SERBP1: variants seen among roughly 807,000 people sequenced by gnomAD.
SERBP1 encodes the protein SERPINE1 mRNA-binding protein 1.
A neutral mutation model predicts 50.2 loss-of-function variants in SERBP1; 6 were observed. That is an observed-to-expected ratio of 0.12 (90% confidence interval 0.07 to 0.24). The LOEUF is 0.24. Among genes scored for constraint, SERBP1 ranks in the 10% least tolerant of loss-of-function variants. The pLI is 1.00. For missense variants in SERBP1, 346 were observed against 524.9 expected (o/e 0.66, Z 3.33); for synonymous variants, 168 against 182.8 (o/e 0.92, Z 0.65).
chr1:67,424,491 T>C (rs1351086671), intron 4 of SERBP1: 1 of 548,464 alleles, frequency 1.8e-6, no homozygotes, highest in African/African-American at 1.9e-5. Flanking sequence ...GTTCATATAC[T>C]TCATACTTAA....
chr1:67,423,051 C>A (rs187524700), intron 5 of SERBP1, among the ~76,000 whole-genome samples: 120 of 151,594 alleles, frequency 7.9e-4, no homozygotes, highest in Middle Eastern at 7.0e-3. Flanking sequence ...TGGTGGCTCA[C>A]ACCTGTAATC....
chr1:67,423,135 A>G (rs1465137894), intron 5 of SERBP1, among the ~76,000 whole-genome samples: 2 of 148,408 alleles, frequency 1.3e-5, no homozygotes, highest in Admixed American at 6.7e-5. Flanking sequence ...CAGCTGGTCT[A>G]AAAAATATAA....
In SERBP1 at chr1:67,426,245, C is replaced by G. The variant is rs375408590; in HGVS notation, c.354G>C (p.Gln118His). 15 of 1,605,090 alleles carry G rather than the reference C, an allele frequency of 9.3e-6. No homozygotes were observed. The African/African-American group carries it at 1.9e-4, about 20-fold the overall frequency. The change falls in exon 2 of 8, where the codon CAG (glutamine) becomes CAC (histidine). Residue 118 changes from glutamine (Q) to histidine (H), a missense_variant. Physicochemically the swap from Gln to His is conservative, Grantham distance 24. Coordinates refer to ENST00000361219, the MANE Select transcript of SERBP1 (RefSeq NM_001018069.2). ...TTCTATCAATTATTTTCCCTTCACC[C>G]TGAAGTTGTTGATCAGGTCTTCTTC... is the stretch of plus-strand genomic sequence containing the variant. Reference protein sequence around the residue: ...RVGRRPDQQLQGEGKIIDRRP... With the variant: ...RVGRRPDQQLHGEGKIIDRRP...
rs540616157 is a variant in SERBP1 at position 67,415,273 on chromosome 1, G to A, written c.1018C>T (p.Leu340=). 6.2e-7 allele frequency: 1 copy of A among 1,612,202 alleles called. No homozygotes were observed. Among genetic ancestry groups the A allele is most frequent in the East Asian group, 2.2e-5 (1 of 44,754 alleles). ...RKPANDITSQ[L]EINFGDLGRP... The stretch of plus-strand genomic sequence containing the variant: ...CCAAGGTCTCCAAAATTGATCTCCA[G>A]CTGAGACGTTATATCATTTGCTGGC... The change falls in exon 7 of 8, where the codon CTG becomes TTG. Residue 340 remains leucine, a synonymous_variant. Transcript: ENST00000361219.
intron 1 of SERBP1, among the ~76,000 whole-genome samples, chr1:67,428,581 G>A (rs1014964287): frequency 2.0e-5 from 3 of 152,076 alleles, no homozygotes; most frequent in African/African-American, 7.2e-5. Flanking sequence ...AAGCTTAACT[G>A]GCTGAAGAGA....
At chr1:67,429,688 C>T in intron 1 of SERBP1, 1 of 292,024 alleles carries the variant, frequency 3.4e-6, no homozygotes, top group Non-Finnish European at 6.4e-6. Context: ...GGGAAGGCAA[C>T]AGCCTCCCAG....
At chr1:67,429,664 C>T (rs759797237) in intron 1 of SERBP1, 15 of 254,316 alleles carry the variant, frequency 5.9e-5, no homozygotes, top group Admixed American at 1.7e-4. Flanking sequence ...CGCTCACCCG[C>T]CAAGGAATCC....
At chr1:67,427,893 C>CTT (rs1319527086) in intron 1 of SERBP1, among the ~76,000 whole-genome samples, 1 of 152,218 alleles carries the variant, frequency 6.6e-6, no homozygotes, top group Admixed American at 6.5e-5. Context: ...GGTCTACACT[C>CTT]TCAATGACAT....
In SERBP1 at chr1:67,408,201, C is replaced by T. The variant is rs552340274; in HGVS notation, c.*5006G>A. ...CACACAAGGTCAGAGTAATTGAGCA[C>T]CTAGTATGAACCAATTATCTAAATA... is the stretch of plus-strand genomic sequence containing the variant. On this transcript the variant is annotated 3_prime_UTR_variant, in exon 8 of 8. Transcript: ENST00000361219. 6.6e-6 allele frequency: 1 copy of T among 152,246 alleles called. No homozygotes were observed. Among genetic ancestry groups the T allele is most frequent in the Admixed American group, 6.5e-5 (1 of 15,286 alleles). 9.4% of individuals were successfully genotyped at this position (152,246 alleles called of 1,614,324 possible). A position where few individuals can be genotyped will look rare whatever the true frequency, so the allele number is the denominator to read the frequency against.
At chr1:67,421,635 A>G (rs182905848) in intron 5 of SERBP1, among the ~76,000 whole-genome samples, 16 of 152,320 alleles carry the variant, frequency 1.1e-4, no homozygotes, top group South Asian at 4.1e-4. Context: ...TTTGCATATC[A>G]CTGAGTGATT....
intron 6 of SERBP1, among the ~76,000 whole-genome samples, chr1:67,416,145 T>C (rs1405143412): frequency 2.0e-5 from 3 of 151,936 alleles, no homozygotes; most frequent in African/African-American, 7.3e-5. Flanking sequence ...CCCAAGTAGC[T>C]GGGTCTATAG....
In SERBP1 at chr1:67,422,898, T is replaced by C. The variant is rs1570296768; in HGVS notation, c.773+1302A>G. On this transcript the variant is annotated intron_variant, in intron 5 of 7. Coordinates refer to ENST00000361219, the MANE Select transcript of SERBP1 (RefSeq NM_001018069.2). ...ATCGTTTGAACCCAGGGGGCGGAGG[T>C]TGCAGTGAGCCAAGATAGCGCCACT... is the stretch of plus-strand genomic sequence containing the variant. Among the ~76,000 whole-genome samples the C allele has an allele frequency of 2.7e-5, 4 of 149,836 alleles. No homozygotes were observed. In the South Asian group the frequency reaches 6.4e-4, roughly 24 times the overall value.
chr1:67,417,489 A>T (rs1667052273), intron 6 of SERBP1, among the ~76,000 whole-genome samples: 1 of 151,754 alleles, frequency 6.6e-6, no homozygotes, highest in South Asian at 2.1e-4. Flanking sequence ...GGATAAAGTC[A>T]GGGCAGGGGG....
chr1:67,430,332 A>T lies in SERBP1; in HGVS notation c.-32T>A. ...GGCTCGGCGGCGCGTTCCTCCACGG[A>T]TTGCAGCGGGCCGCGCCGAGCCAAG... On this transcript the variant is annotated 5_prime_UTR_variant, in exon 1 of 8. Coordinates refer to ENST00000361219, the MANE Select transcript of SERBP1 (RefSeq NM_001018069.2). The T allele has an allele frequency of 6.7e-7, 1 of 1,494,644 alleles. No homozygotes were observed. The highest frequency in any genetic ancestry group is 8.9e-7 in the Non-Finnish European group (1 of 1,123,308). 92.6% of individuals were successfully genotyped at this position (1,494,644 alleles called of 1,614,324 possible). A position where few individuals can be genotyped will look rare whatever the true frequency, so the allele number is the denominator to read the frequency against.
In SERBP1 at chr1:67,416,331, A is replaced by C. The variant is rs77043125; in HGVS notation, c.952-992T>G. On this transcript the variant is annotated intron_variant, in intron 6 of 7. Transcript: ENST00000361219. ...CCCAGCTAGAAACTTCTTAAAAATGAAGTCATGTTTGTGAAATCCAGATCC... is the reference window on the plus strand; with the variant it reads ...CCCAGCTAGAAACTTCTTAAAAATGCAGTCATGTTTGTGAAATCCAGATCC... 5.3e-5 allele frequency among the ~76,000 whole-genome samples: 8 copies of C among 152,354 alleles called. No homozygotes were observed. The East Asian group carries it at 1.5e-3, about 29-fold the overall frequency.
intron 6 of SERBP1, among the ~76,000 whole-genome samples, chr1:67,417,971 G>T (rs200863742): frequency 3.0e-4 from 23 of 76,824 alleles, no homozygotes; most frequent in Admixed American, 6.1e-4. Context: ...TTAAAGTGTT[G>T]TTTTTTTTTT....
intron 1 of SERBP1, chr1:67,429,589 C>T (rs1667499202): frequency 5.7e-6 from 1 of 174,982 alleles, no homozygotes; most frequent in East Asian, 1.7e-4. Flanking sequence ...CGATGGACCC[C>T]CAAGCTCCTC....
chr1:67,412,912 A>C lies in SERBP1; in HGVS notation c.*295T>G, dbSNP rs984815461. 14 of 399,276 alleles carry C rather than the reference A, an allele frequency of 3.5e-5. 1 individual carries two copies. Among genetic ancestry groups the C allele is most frequent in the Middle Eastern group, 6.6e-4 (1 of 1,506 alleles). The allele number at this position is 399,276 out of a possible 1,614,324, so 24.7% of individuals were successfully genotyped here. ...ACCTATATTTCAAGTTTGGAAATGC[A>C]TATTTGCAAGCAGCAATACAAAAGT... On this transcript the variant is annotated 3_prime_UTR_variant, in exon 8 of 8. Transcript: ENST00000361219.
rs777029948 is a variant in SERBP1, at chr1:67,426,179, C to T, written c.420G>A (p.Lys140=). ...RRPPRERRFE[K]PLEEKGEGGE... ...CTCCTTCACCCTTTTCTTCAAGTGG[C>T]TTTTCGAATCTTCGTTCACGAGGTG... The change falls in exon 2 of 8, where the codon AAG becomes AAA. Residue 140 remains lysine (K), a synonymous_variant. Transcript: ENST00000361219. 3 of 1,608,636 alleles carry T rather than the reference C, an allele frequency of 1.9e-6. No individual in the cohort carries two copies. In the South Asian group the frequency reaches 3.3e-5, roughly 18 times the overall value.
Sources: gnomAD v4.1 joint callset for allele counts (sites outside exome capture counted in the v4.1 genomes callset) on GRCh38, gnomAD v4.1.1 for gene constraint, MANE v1.5 for transcripts, NCBI Gene and HGNC (gene_info 2026-07-23, HGNC 2026-07-21) for gene names.